Variants in PLGRKT observed in about 807,000 individuals in gnomAD.
PLGRKT encodes the protein plasminogen receptor (KT).
PLGRKT carries 22 observed loss-of-function variants against 18.5 expected under a neutral mutation model. That is an observed-to-expected ratio of 1.19 (90% confidence interval 0.85 to 1.70). PLGRKT has a LOEUF of 1.70. PLGRKT is among the 40% of genes most tolerant of loss of function. The probability of loss-of-function intolerance (pLI) is 0.00; values close to 1 mark genes in which losing one functional copy is unlikely to be tolerated. For missense variants in PLGRKT, 235 were observed against 174.4 expected (o/e 1.35, Z -1.96); for synonymous variants, 72 against 52.8 (o/e 1.36, Z -1.58).
chr9:5,367,572 C>T (rs1817422352), intron 3 of PLGRKT, among the ~76,000 whole-genome samples: 1 of 152,100 alleles, frequency 6.6e-6, no homozygotes, highest in African/African-American at 2.4e-5. Flanking sequence ...TACCTATCAC[C>T]ATATACAAAA....
At chr9:5,432,396 T>A (rs1449769603) in intron 2 of PLGRKT, among the ~76,000 whole-genome samples, 1 of 152,230 alleles carries the variant, frequency 6.6e-6, no homozygotes, top group East Asian at 1.9e-4. Flanking sequence ...AACCTTTGCA[T>A]CTGAGGAGGG....
intron 3 of PLGRKT, among the ~76,000 whole-genome samples, chr9:5,379,204 T>C (rs1289133314): frequency 6.6e-6 from 1 of 152,200 alleles, no homozygotes; most frequent in Admixed American, 6.5e-5. Context: ...TTATTCACAA[T>C]ATTGTAAATA....
At chr9:5,438,019 G>A (rs1303352566), upstream of PLGRKT, 1 of 152,250 alleles carries the variant, frequency 6.6e-6, no homozygotes, top group Non-Finnish European at 1.5e-5. Context: ...TGTTACCAGA[G>A]GTGGGAGGGG....
intron 2 of PLGRKT, among the ~76,000 whole-genome samples, chr9:5,435,745 C>G (rs1216922641): frequency 6.6e-6 from 1 of 152,216 alleles, no homozygotes; most frequent in Non-Finnish European, 1.5e-5. Flanking sequence ...CTGCTCTACC[C>G]TTCTCAACAA....
chr9:5,436,350 T>C (rs567815861), intron 2 of PLGRKT, among the ~76,000 whole-genome samples: 112 of 152,336 alleles, frequency 7.4e-4, no homozygotes, highest in Non-Finnish European at 1.4e-3. Flanking sequence ...CTTCTGAACA[T>C]AGGAGTGGAT....
At chr9:5,396,257 T>A (rs1277764573) in intron 3 of PLGRKT, among the ~76,000 whole-genome samples, 1 of 151,760 alleles carries the variant, frequency 6.6e-6, no homozygotes, top group African/African-American at 2.4e-5. Flanking sequence ...TTTTGGACAC[T>A]AACAAGAACA....
intron 3 of PLGRKT, among the ~76,000 whole-genome samples, chr9:5,406,947 C>T (rs1563782629): frequency 1.3e-5 from 2 of 152,164 alleles, no homozygotes; most frequent in African/African-American, 2.4e-5. Context: ...GCAGCTCTCA[C>T]TGTGCTTTTT....
At chr9:5,411,153 G>A (rs1304502394) in intron 3 of PLGRKT, among the ~76,000 whole-genome samples, 2 of 152,024 alleles carry the variant, frequency 1.3e-5, no homozygotes, top group Admixed American at 6.5e-5. Flanking sequence ...GGAGGCCGAG[G>A]CAGGTGGACC....
intron 3 of PLGRKT, among the ~76,000 whole-genome samples, chr9:5,366,141 T>C (rs992825400): frequency 6.6e-6 from 1 of 152,154 alleles, no homozygotes; most frequent in Admixed American, 6.6e-5. Context: ...AAAAATCAAA[T>C]TAATAAACTT....
intron 3 of PLGRKT, among the ~76,000 whole-genome samples, chr9:5,388,730 T>C (rs1388919130): frequency 2.6e-5 from 4 of 152,024 alleles, no homozygotes; most frequent in Admixed American, 1.3e-4. Context: ...TGTGATGAAA[T>C]GTCCCTCTTT....
chr9:5,432,646 C>T (rs1050146915), intron 2 of PLGRKT, among the ~76,000 whole-genome samples: 35 of 152,198 alleles, frequency 2.3e-4, no homozygotes, highest in African/African-American at 7.2e-4. Context: ...TCCAGGCACG[C>T]GCCACCACTC....
At chr9:5,438,164 T>C (rs1208611998), upstream of PLGRKT, among the ~76,000 whole-genome samples, 1 of 152,150 alleles carries the variant, frequency 6.6e-6, no homozygotes, top group African/African-American at 2.4e-5. Flanking sequence ...TATTAAAAAG[T>C]CATAAAGATA....
At chr9:5,377,142 C>T (rs1438311170) in intron 3 of PLGRKT, among the ~76,000 whole-genome samples, 2 of 152,080 alleles carry the variant, frequency 1.3e-5, no homozygotes, top group African/African-American at 2.4e-5. Flanking sequence ...GTTACAATGA[C>T]TTTCCTACAT....
intron 3 of PLGRKT, among the ~76,000 whole-genome samples, chr9:5,397,758 A>T (rs1314209429): frequency 1.3e-5 from 2 of 151,900 alleles, no homozygotes; most frequent in African/African-American, 4.9e-5. Context: ...TGCTGCCCTC[A>T]GGTCACTGAA....
chr9:5,394,890 T>C (rs537068088), intron 3 of PLGRKT, among the ~76,000 whole-genome samples: 2 of 151,834 alleles, frequency 1.3e-5, no homozygotes, highest in Non-Finnish European at 2.9e-5. Flanking sequence ...CCAGCCATGG[T>C]GAAGCTGACT....
In PLGRKT at chr9:5,357,991, T is replaced by G; in HGVS notation, c.*248A>C. The G allele has an allele frequency of 3.4e-6, 1 of 291,158 alleles. No individual in the cohort carries two copies. Among genetic ancestry groups the G allele is most frequent in the Non-Finnish European group, 6.3e-6 (1 of 157,882 alleles). 18.0% of individuals were successfully genotyped at this position (291,158 alleles called of 1,614,324 possible). ...TTTGCTTCCAGGAATTCAAAACAAT[T>G]TATTAATTTTACACTTAGATATTGG... On this transcript the variant is annotated 3_prime_UTR_variant, in exon 6 of 6. Coordinates refer to ENST00000223864, the MANE Select transcript of PLGRKT (RefSeq NM_018465.4).
intron 3 of PLGRKT, among the ~76,000 whole-genome samples, chr9:5,375,425 C>G (rs1817609191): frequency 6.6e-6 from 1 of 152,176 alleles, no homozygotes; most frequent in East Asian, 1.9e-4. Context: ...TGGGGGAAGA[C>G]AATTAGTGTG....
At chr9:5,383,093 G>T (rs572523221) in intron 3 of PLGRKT, among the ~76,000 whole-genome samples, 1 of 152,144 alleles carries the variant, frequency 6.6e-6, no homozygotes, top group African/African-American at 2.4e-5. Context: ...CCTTATAAAA[G>T]ACACACAGAG....
At chr9:5,384,090 A>T (rs1458536107) in intron 3 of PLGRKT, among the ~76,000 whole-genome samples, 1 of 152,086 alleles carries the variant, frequency 6.6e-6, no homozygotes, top group Non-Finnish European at 1.5e-5. Flanking sequence ...TGGATCTGAG[A>T]CTCAGGCAGG....
Sources: allele counts gnomAD v4.1 joint callset (sites outside exome capture counted in the v4.1 genomes callset), GRCh38; gene constraint gnomAD v4.1.1; transcripts MANE v1.5; gene names NCBI Gene and HGNC (gene_info 2026-07-23, HGNC 2026-07-21).